The following TMEFF1 variants were observed in gnomAD, a reference collection of about 807,000 sequenced individuals.
TMEFF1 encodes the protein tomoregulin-1.
Under a neutral mutation model 47.5 loss-of-function variants are expected in TMEFF1, and 20 were observed. The observed-to-expected ratio is 0.42, with a 90% CI of 0.30 to 0.61. The LOEUF is 0.61. TMEFF1 is among the 20% of genes least tolerant of loss of function. The probability of loss-of-function intolerance (pLI) is 0.19; values close to 1 mark genes in which losing one functional copy is unlikely to be tolerated. For synonymous variants in TMEFF1, 162 were observed against 166.3 expected, an observed-to-expected ratio of 0.97 and a Z score of 0.20; for missense variants, 411 against 471.1, an observed-to-expected ratio of 0.87 and a Z score of 1.18.
At chr9:100,567,947 T>C (rs1353087393) in intron 8 of TMEFF1, among the ~76,000 whole-genome samples, 1 of 152,140 alleles carries the variant, frequency 6.6e-6, no homozygotes, top group Non-Finnish European at 1.5e-5. Flanking sequence ...AGAGAGGGCC[T>C]GTGCAGCAAA....
intron 9 of TMEFF1, among the ~76,000 whole-genome samples, chr9:100,573,283 T>A (rs971949778): frequency 6.6e-6 from 1 of 152,162 alleles, no homozygotes; most frequent in Non-Finnish European, 1.5e-5. Context: ...CTGAAGATAG[T>A]TTTATTGTGA....
chr9:100,567,016 G>A (rs1839138776), intron 8 of TMEFF1, among the ~76,000 whole-genome samples: 1 of 152,158 alleles, frequency 6.6e-6, no homozygotes, highest in African/African-American at 2.4e-5. Flanking sequence ...CTCCCACAGT[G>A]CAGAGTGAAC....
intron 5 of TMEFF1, among the ~76,000 whole-genome samples, chr9:100,542,217 A>G (rs1250608995): frequency 3.3e-5 from 5 of 151,972 alleles, no homozygotes; most frequent in Admixed American, 3.3e-4. Context: ...ATCACAATCT[A>G]AATTTCCTTA....
intron 5 of TMEFF1, among the ~76,000 whole-genome samples, chr9:100,534,012 C>T (rs140373796): frequency 5.9e-5 from 9 of 152,138 alleles, no homozygotes; most frequent in South Asian, 2.1e-4. Context: ...CCACCACTCC[C>T]GGCCTTTATC....
Position 100,516,935 on chromosome 9 carries a change from T to C in TMEFF1, c.560+164T>C, listed in dbSNP as rs1322752423. On this transcript the variant is annotated intron_variant, in intron 5 of 9. Coordinates refer to ENST00000374879, the MANE Select transcript of TMEFF1 (RefSeq NM_003692.5). Reference sequence around the variant, plus strand: ...TGACTTTTAAATTGATATAATACTATGGCTATTTAAATCAGTTTAAGTGTT... The same window carrying C: ...TGACTTTTAAATTGATATAATACTACGGCTATTTAAATCAGTTTAAGTGTT... Among the ~76,000 whole-genome samples the C allele has an allele frequency of 2.0e-5, 3 of 152,212 alleles. 1 individual carries two copies. Among genetic ancestry groups the C allele is most frequent in the Admixed American group, 2.0e-4 (3 of 15,284 alleles).
At chr9:100,494,121 C>T (rs943337119) in intron 1 of TMEFF1, among the ~76,000 whole-genome samples, 118 of 150,766 alleles carry the variant, frequency 7.8e-4, no homozygotes, top group African/African-American at 2.6e-3. Flanking sequence ...GTGGGATAAT[C>T]GCTTGAGCCC....
At chr9:100,565,572 T>C (rs557169469) in intron 8 of TMEFF1, among the ~76,000 whole-genome samples, 1 of 152,234 alleles carries the variant, frequency 6.6e-6, no homozygotes, top group Admixed American at 6.5e-5. Flanking sequence ...TTATACATTC[T>C]CCTCCTCTCC....
chr9:100,552,273 G>A (rs1215012840), intron 7 of TMEFF1, among the ~76,000 whole-genome samples: 2 of 152,182 alleles, frequency 1.3e-5, no homozygotes, highest in Non-Finnish European at 2.9e-5. Flanking sequence ...GGAATATTGT[G>A]CATATTGTAT....
chr9:100,513,245 T>C, intron 3 of TMEFF1, 62 bp from the exon 4 acceptor site: 1 of 1,571,268 alleles, frequency 6.4e-7, no homozygotes, highest in East Asian at 2.3e-5. Context: ...GAAATTTTAT[T>C]ATTTGATAAG....
At chr9:100,521,734 A>G (rs562681359) in intron 5 of TMEFF1, among the ~76,000 whole-genome samples, 2 of 152,362 alleles carry the variant, frequency 1.3e-5, no homozygotes, top group South Asian at 4.1e-4. Flanking sequence ...TAGAATCATC[A>G]GGCCTAATGC....
intron 5 of TMEFF1, among the ~76,000 whole-genome samples, chr9:100,533,477 G>C (rs1171138351): frequency 6.6e-6 from 1 of 152,004 alleles, no homozygotes; most frequent in Non-Finnish European, 1.5e-5. Context: ...GTTTTAGTCT[G>C]TTTCATTACT....
chr9:100,482,159 C>T (rs1837353316), intron 1 of TMEFF1, among the ~76,000 whole-genome samples: 1 of 151,846 alleles, frequency 6.6e-6, no homozygotes, highest in South Asian at 2.1e-4. Flanking sequence ...TATTTTTCTG[C>T]CGACTCTTCT....
At chr9:100,549,530 T>G (rs1469467201) in intron 6 of TMEFF1, among the ~76,000 whole-genome samples, 1 of 152,206 alleles carries the variant, frequency 6.6e-6, no homozygotes, top group Non-Finnish European at 1.5e-5. Context: ...CCTCTGTAAT[T>G]TTTCATTCAC....
chr9:100,564,107 A>ATCTG (rs1332131307), intron 8 of TMEFF1, among the ~76,000 whole-genome samples: 10 of 152,120 alleles, frequency 6.6e-5, no homozygotes, highest in African/African-American at 2.4e-4. Flanking sequence ...TGAAGTCTTG[A>ATCTG]TCTGTCACCC....
rs536565721 is a variant in TMEFF1, at chr9:100,498,590, G to A, written c.197-175G>A. 8.5e-5 allele frequency among the ~76,000 whole-genome samples: 13 copies of A among 152,136 alleles called. No homozygotes were observed. In the South Asian group the frequency reaches 2.7e-3, roughly 32 times the overall value. ...TGCAGGATTCTGTTTGGGGAATACT[G>A]AGCATTTTGTGTCTTACAGAATTTC... On this transcript the variant is annotated intron_variant, in intron 1 of 9. Transcript: ENST00000374879.
intron 1 of TMEFF1, among the ~76,000 whole-genome samples, chr9:100,485,570 T>A: frequency 6.6e-6 from 1 of 152,202 alleles, no homozygotes; most frequent in East Asian, 1.9e-4. Context: ...CTATTTGTTA[T>A]CCTTCATTTT....
At chr9:100,551,486 A>G (rs1263419936) in intron 7 of TMEFF1, among the ~76,000 whole-genome samples, 2 of 152,192 alleles carry the variant, frequency 1.3e-5, no homozygotes, top group African/African-American at 2.4e-5. Flanking sequence ...TTTATTCACT[A>G]TATTGATAGT....
chr9:100,531,936 G>A lies in TMEFF1; in HGVS notation c.560+15165G>A, dbSNP rs541903374. ...GAACAGAGCCCTCAGAAATAACGCC[G>A]CATATCTACAACTATCTGATCTTTG... On this transcript the variant is annotated intron_variant, in intron 5 of 9. Coordinates refer to ENST00000374879, the MANE Select transcript of TMEFF1 (RefSeq NM_003692.5). 6.2e-3 allele frequency among the ~76,000 whole-genome samples: 920 copies of A among 149,444 alleles called. 13 individuals are homozygous for A. The highest frequency in any genetic ancestry group is 0.049 in the Admixed American group (726 of 14,838).
At chr9:100,483,966 T>C (rs552668365) in intron 1 of TMEFF1, among the ~76,000 whole-genome samples, 19 of 152,342 alleles carry the variant, frequency 1.2e-4, no homozygotes, top group Admixed American at 2.6e-4. Context: ...GTTTTTCTTA[T>C]ATTTTTGTTA....
Sources: allele counts gnomAD v4.1 joint callset (sites outside exome capture counted in the v4.1 genomes callset), GRCh38; gene constraint gnomAD v4.1.1; transcripts MANE v1.5; gene names NCBI Gene and HGNC (gene_info 2026-07-23, HGNC 2026-07-21).